Variants in DAPK2 observed in about 807,000 individuals in gnomAD.
DAPK2 encodes death-associated protein kinase 2.
Under a neutral mutation model 44.1 loss-of-function variants are expected in DAPK2, and 35 were observed. That is an observed-to-expected ratio of 0.79 (90% confidence interval 0.61 to 1.05). DAPK2 has a LOEUF of 1.05. Among genes scored for constraint, DAPK2 ranks in the 50% least tolerant of loss-of-function variants. DAPK2 has a pLI of 0.00. For synonymous variants in DAPK2, 174 were observed against 182.6 expected, an observed-to-expected ratio of 0.95 and a Z score of 0.38; for missense variants, 453 against 483.2, an observed-to-expected ratio of 0.94 and a Z score of 0.59.
intron 1 of DAPK2, among the ~76,000 whole-genome samples, chr15:63,991,872 G>A (rs1262031656): frequency 1.5e-4 from 23 of 152,134 alleles, no homozygotes; most frequent in Admixed American, 1.4e-3. Flanking sequence ...GAGTCTCCAG[G>A]GAACTGACTC....
intron 3 of DAPK2, among the ~76,000 whole-genome samples, chr15:63,961,168 C>T (rs189830963): frequency 6.6e-6 from 1 of 151,802 alleles, no homozygotes; most frequent in Admixed American, 6.6e-5. Context: ...AGGATTGCAA[C>T]CCTTGCTTTT....
chr15:63,955,577 G>A (rs566869401), intron 3 of DAPK2, among the ~76,000 whole-genome samples: 243 of 152,028 alleles, frequency 1.6e-3, no homozygotes, highest in Middle Eastern at 0.01. Context: ...TGTTGTTGTC[G>A]TCATTGTTTG....
At chr15:63,954,249 T>G (rs2077664074) in intron 3 of DAPK2, among the ~76,000 whole-genome samples, 1 of 152,216 alleles carries the variant, frequency 6.6e-6, no homozygotes, top group Non-Finnish European at 1.5e-5. Flanking sequence ...TTGGAAAGTT[T>G]CTCCAATGTT....
At chr15:63,941,103 A>G (rs2077295185) in intron 3 of DAPK2, among the ~76,000 whole-genome samples, 1 of 152,244 alleles carries the variant, frequency 6.6e-6, no homozygotes, top group African/African-American at 2.4e-5. Flanking sequence ...CCTGTTTCTT[A>G]AAGCACTGAA....
rs1007224762 is a variant in DAPK2 at position 64,013,626 on chromosome 15, C to T, written c.92+26544G>A. Reference sequence around the variant, plus strand: ...TCACATTGCCAGAGAAGGAACTGAGCGCCAGATAAGAATGCATTCCTTCTA... The same window carrying T: ...TCACATTGCCAGAGAAGGAACTGAGTGCCAGATAAGAATGCATTCCTTCTA... On this transcript the variant is annotated intron_variant, in intron 1 of 10. Coordinates refer to ENST00000261891, the Ensembl canonical transcript of DAPK2. This position sits in a 1 kb window ranked among gnomAD's most constrained non-coding sequence, Gnocchi z 4.7. Among the ~76,000 whole-genome samples, 1 of 152,172 alleles carries T rather than the reference C, an allele frequency of 6.6e-6. No homozygotes were observed. The highest frequency in any genetic ancestry group is 1.5e-5 in the Non-Finnish European group (1 of 68,034).
chr15:63,982,971 G>C (rs2899696), intron 2 of DAPK2, among the ~76,000 whole-genome samples: 148,123 of 152,352 alleles, frequency 0.97, 72,126 homozygotes, highest in East Asian at 1. Flanking sequence ...ACGACAGATA[G>C]AAAGCGCCTA....
Position 63,912,202 on chromosome 15 carries a change from G to C in DAPK2, c.859-5C>G, listed in dbSNP as rs770535575. On this transcript the variant is annotated splice_polypyrimidine_tract_variant and splice_region_variant and intron_variant, in intron 8 of 10. Transcript: ENST00000261891. The surrounding 1 kb of genome is among the most constrained non-coding windows in gnomAD (Gnocchi z 4.4). ...GGCTTGCTGGTTGTCCACCGGCTGAGAGACAAAGCAGAGCATGGCAGCTGA... is the reference window on the plus strand; with the variant it reads ...GGCTTGCTGGTTGTCCACCGGCTGACAGACAAAGCAGAGCATGGCAGCTGA... 1 of 1,613,992 alleles carries C rather than the reference G, an allele frequency of 6.2e-7. No individual in the cohort carries two copies. Among genetic ancestry groups the C allele is most frequent in the Non-Finnish European group, 8.5e-7 (1 of 1,180,014 alleles).
At chr15:64,022,696 A>G (rs1255095838) in intron 1 of DAPK2, among the ~76,000 whole-genome samples, 2 of 152,164 alleles carry the variant, frequency 1.3e-5, no homozygotes, top group African/African-American at 4.8e-5. Flanking sequence ...ATGTGCATCT[A>G]TAGTTCCAGC....
chr15:64,005,153 T>C (rs1410095093), intron 1 of DAPK2, among the ~76,000 whole-genome samples: 1 of 152,002 alleles, frequency 6.6e-6, no homozygotes, highest in African/African-American at 2.4e-5. Context: ...GACAAAGACA[T>C]GTCTTCTGAG....
chr15:63,935,193 T>C (rs973179449), intron 4 of DAPK2, among the ~76,000 whole-genome samples: 1 of 150,772 alleles, frequency 6.6e-6, no homozygotes, highest in Admixed American at 6.6e-5. Flanking sequence ...TGGGTTGAAG[T>C]GATCCTCCCG....
At position 63,990,321 on chromosome 15, in the gene DAPK2, C is replaced by T. The variant is rs142629002; in HGVS notation, c.93-6567G>A. Among the ~76,000 whole-genome samples the T allele has an allele frequency of 2.0e-5, 3 of 151,928 alleles. No individual in the cohort carries two copies. Among genetic ancestry groups the T allele is most frequent in the East Asian group, 1.9e-4 (1 of 5,176 alleles). On this transcript the variant is annotated intron_variant, in intron 1 of 10. Transcript: ENST00000261891. The surrounding 1 kb of genome is among the most constrained non-coding windows in gnomAD (Gnocchi z 4.3). Reference sequence around the variant, plus strand: ...GTGCACACCTGTAGTCCCAACTACTCGAAGGGTGAAGCACAATAATTGTTT... The same window carrying T: ...GTGCACACCTGTAGTCCCAACTACTTGAAGGGTGAAGCACAATAATTGTTT...
intron 4 of DAPK2, among the ~76,000 whole-genome samples, chr15:63,931,078 G>T (rs2079538567): frequency 6.6e-6 from 1 of 151,920 alleles, no homozygotes; most frequent in South Asian, 2.1e-4. Flanking sequence ...AAAAGAGAAA[G>T]AAATAGAAAA....
chr15:63,923,215 G>A lies in DAPK2; in HGVS notation c.858+1601C>T, dbSNP rs772407346. ...CTTCCACCACACAGGCAAAACGCTCGAAGTTGACATAGGAGTTGTTGGGAG... is the reference window on the plus strand; with the variant it reads ...CTTCCACCACACAGGCAAAACGCTCAAAGTTGACATAGGAGTTGTTGGGAG... On this transcript the variant is annotated intron_variant, in intron 8 of 10. Transcript: ENST00000261891. This position sits in a 1 kb window ranked among gnomAD's most constrained non-coding sequence, Gnocchi z 4.2. The A allele has an allele frequency of 9.1e-5, 139 of 1,535,760 alleles. No individual in the cohort carries two copies. Among genetic ancestry groups the A allele is most frequent in the Middle Eastern group, 1.7e-4 (1 of 6,006 alleles).
intron 3 of DAPK2, among the ~76,000 whole-genome samples, chr15:63,942,502 A>C (rs772663807): frequency 6.6e-6 from 1 of 152,084 alleles, no homozygotes; most frequent in Non-Finnish European, 1.5e-5. Context: ...CAGTGAGCCG[A>C]GAACACACTG....
At chr15:64,010,057 A>G (rs1877446705) in intron 1 of DAPK2, among the ~76,000 whole-genome samples, 1 of 152,216 alleles carries the variant, frequency 6.6e-6, no homozygotes, top group Non-Finnish European at 1.5e-5. Flanking sequence ...GTAGCACCTG[A>G]TGGTATAAAC....
chr15:63,910,060 C>CT (rs1354323880), intron 10 of DAPK2, among the ~76,000 whole-genome samples: 23 of 152,356 alleles, frequency 1.5e-4, no homozygotes, highest in African/African-American at 5.5e-4. Context: ...TGAATAGCAA[C>CT]TTTTTAGCTT....
rs971955697 is a variant in DAPK2 at position 63,923,622 on chromosome 15, C to A, written c.858+1194G>T. Among the ~76,000 whole-genome samples, 2 of 152,230 alleles carry A rather than the reference C, an allele frequency of 1.3e-5. No individual in the cohort carries two copies. Among genetic ancestry groups the A allele is most frequent in the African/African-American group, 4.8e-5 (2 of 41,470 alleles). On this transcript the variant is annotated intron_variant, in intron 8 of 10. Transcript: ENST00000261891. The surrounding 1 kb of genome is among the most constrained non-coding windows in gnomAD (Gnocchi z 4.2). Reference sequence around the variant, plus strand: ...TTTAAGGGGTGCTCACGCAGACAAGCAGGCTGCAGCCAGGACTCCGCAGGC... The same window carrying A: ...TTTAAGGGGTGCTCACGCAGACAAGAAGGCTGCAGCCAGGACTCCGCAGGC...
exon 2 of DAPK2, chr15:63,983,586 G>A (rs775425561): frequency 6.2e-7 from 1 of 1,614,210 alleles, no homozygotes; most frequent in East Asian, 2.2e-5. Context: ...CGTGCAGCGT[G>A]ATGACATTGT....
chr15:64,046,383 G>C (rs71409121), upstream of DAPK2: 2 of 700,204 alleles, frequency 2.9e-6, no homozygotes, highest in Non-Finnish European at 1.7e-6. The surrounding 1 kb of genome is among the most constrained non-coding windows in gnomAD (Gnocchi z 5.3). Context: ...CGCGGCGGGC[G>C]CGGCGGGAAC....
Sources: gnomAD v4.1 joint callset for allele counts (sites outside exome capture counted in the v4.1 genomes callset) on GRCh38, gnomAD v4.1.1 for gene constraint, Gnocchi (gnomAD v3.1) non-coding constraint, MANE v1.5 for transcripts, NCBI Gene and HGNC (gene_info 2026-07-23, HGNC 2026-07-21) for gene names.